The following PTPRR variants were observed in gnomAD, a reference collection of about 807,000 sequenced individuals.
The protein encoded by PTPRR is receptor-type tyrosine-protein phosphatase R.
In PTPRR, 38 loss-of-function variants were observed where a neutral mutation model predicts 77.2. The ratio of observed to expected loss-of-function variants is 0.49; its 90% CI spans 0.38 to 0.65. The LOEUF (loss-of-function observed/expected upper bound fraction) is 0.65, where lower values mean the gene tolerates loss of function less well. Ranked by LOEUF, PTPRR falls within the 30% of genes least tolerant of loss-of-function variation. PTPRR has a pLI of 0.00. For synonymous variants in PTPRR, 299 were observed against 283.1 expected (o/e 1.06, Z -0.57); for missense variants, 744 against 799.2 (o/e 0.93, Z 0.83).
In PTPRR at chr12:70,684,767, C is replaced by A; in HGVS notation, c.1296G>T (p.Val432=). 6.2e-7 allele frequency: 1 copy of A among 1,606,788 alleles called. No individual in the cohort carries two copies. Among genetic ancestry groups the A allele is most frequent in the Admixed American group, 1.7e-5 (1 of 59,504 alleles). The part of the protein sequence containing the change: ...KTILPNPLSR[V]CLRPKNVTDS... ...CGGTTACATTTTTTGGTCTTAAACA[C>A]ACTCTGCTGAGGGGATCTAATGAAG... is the stretch of plus-strand genomic sequence containing the variant. Residue 432 remains valine, a synonymous_variant, in exon 9 of 14, where the codon GTG becomes GTT. Coordinates refer to ENST00000283228, the MANE Select transcript of PTPRR (RefSeq NM_002849.4).
intron 2 of PTPRR, among the ~76,000 whole-genome samples, chr12:70,866,517 C>A (rs1239725491): frequency 3.3e-5 from 5 of 152,206 alleles, no homozygotes; most frequent in African/African-American, 1.2e-4. Flanking sequence ...CAATAACAGG[C>A]TCTGAAATTG....
At chr12:70,654,687 C>T (rs1886514329) in intron 13 of PTPRR, among the ~76,000 whole-genome samples, 1 of 152,264 alleles carries the variant, frequency 6.6e-6, no homozygotes, top group East Asian at 1.9e-4. Flanking sequence ...GTTTATTTTG[C>T]TTGTTTATTA....
At chr12:70,714,563 A>G (rs1888949133) in intron 6 of PTPRR, among the ~76,000 whole-genome samples, 1 of 152,212 alleles carries the variant, frequency 6.6e-6, no homozygotes, top group African/African-American at 2.4e-5. Context: ...TAAATGCACA[A>G]TTATATATAT....
intron 2 of PTPRR, among the ~76,000 whole-genome samples, chr12:70,858,614 A>C (rs576462757): frequency 6.6e-6 from 1 of 152,122 alleles, no homozygotes; most frequent in African/African-American, 2.4e-5. Context: ...TCTGCATTTC[A>C]AGTAACTCTC....
chr12:70,837,473 A>G (rs933046109), intron 2 of PTPRR, among the ~76,000 whole-genome samples: 4 of 152,120 alleles, frequency 2.6e-5, no homozygotes, highest in Non-Finnish European at 5.9e-5. Context: ...CTGACACAAG[A>G]TATGTGGGGG....
intron 2 of PTPRR, among the ~76,000 whole-genome samples, chr12:70,871,629 C>CT (rs1333046552): frequency 6.6e-6 from 1 of 152,176 alleles, no homozygotes; most frequent in East Asian, 1.9e-4. Flanking sequence ...TATATGGGGA[C>CT]TGTCTCAGTA....
intron 12 of PTPRR, among the ~76,000 whole-genome samples, chr12:70,657,543 T>TAACA (rs1437191493): frequency 6.6e-6 from 1 of 152,214 alleles, no homozygotes; most frequent in Non-Finnish European, 1.5e-5. Flanking sequence ...TTTTAACCAC[T>TAACA]AACAGTCTCT....
At chr12:70,684,671 T>C (rs1225233701) in intron 9 of PTPRR, 33 bp downstream of exon 9, 3 of 1,402,846 alleles carry the variant, frequency 2.1e-6, no homozygotes, top group Non-Finnish European at 3.0e-6. Flanking sequence ...AAATAGGAAG[T>C]CACCAGAAAG....
Position 70,731,876 on chromosome 12 carries a change from C to A in PTPRR, c.1007+13942G>T, listed in dbSNP as rs570103756. On this transcript the variant is annotated intron_variant, in intron 6 of 13. Coordinates refer to ENST00000283228, the MANE Select transcript of PTPRR (RefSeq NM_002849.4). ...TACTGTGTGCACGTGTGCCTACACA[C>A]ACATGTGTGAGTTCTTGATGGGGTC... Among the ~76,000 whole-genome samples the A allele has an allele frequency of 1.4e-4, 21 of 152,318 alleles. No homozygotes were observed. The East Asian group carries it at 3.9e-3, about 28-fold the overall frequency.
Position 70,885,193 on chromosome 12 carries a change from T to C in PTPRR, c.357+7486A>G, listed in dbSNP as rs192581729. Among the ~76,000 whole-genome samples the C allele has an allele frequency of 2.3e-4, 35 of 152,080 alleles. 1 individual carries two copies. The highest frequency in any genetic ancestry group is 1.1e-3 in the Admixed American group (17 of 15,294). ...ACCAAATTCTCTCAGTAATATTAATTGGGCAGTTGCTTAGAAAATAATACT... is the reference window on the plus strand; with the variant it reads ...ACCAAATTCTCTCAGTAATATTAATCGGGCAGTTGCTTAGAAAATAATACT... On this transcript the variant is annotated intron_variant, in intron 2 of 13. Coordinates refer to ENST00000283228, the MANE Select transcript of PTPRR (RefSeq NM_002849.4).
chr12:70,913,854 T>A (rs760450154), intron 1 of PTPRR, among the ~76,000 whole-genome samples: 3 of 152,228 alleles, frequency 2.0e-5, no homozygotes, highest in Non-Finnish European at 4.4e-5. Context: ...CAAATATATT[T>A]AATATATGTA....
intron 10 of PTPRR, among the ~76,000 whole-genome samples, chr12:70,682,237 G>C (rs1001222621): frequency 5.3e-5 from 8 of 151,180 alleles, no homozygotes; most frequent in Admixed American, 3.3e-4. Flanking sequence ...TAGAGACGGG[G>C]TTTCACCGTG....
chr12:70,813,158 A>G (rs1057070500), intron 2 of PTPRR, among the ~76,000 whole-genome samples: 2 of 152,202 alleles, frequency 1.3e-5, no homozygotes, highest in Non-Finnish European at 1.5e-5. Context: ...TTTTTGCCCA[A>G]GCACATACAT....
intron 2 of PTPRR, among the ~76,000 whole-genome samples, chr12:70,823,574 T>C (rs1484712384): frequency 7.2e-5 from 11 of 152,238 alleles, no homozygotes; most frequent in Admixed American, 7.2e-4. Context: ...GTACTTATTA[T>C]GTTCCTCTCC....
intron 8 of PTPRR, among the ~76,000 whole-genome samples, chr12:70,685,473 CAAAAAAAAAAAAAAA>C (rs61205959): frequency 6.6e-5 from 4 of 60,978 alleles, no homozygotes; most frequent in Non-Finnish European, 1.2e-4. Flanking sequence ...GACTTCATCT[CAAAAAAAAAAAAAAA>C]AAAAAAAAAA....
chr12:70,829,273 T>A (rs1255363604), intron 2 of PTPRR, among the ~76,000 whole-genome samples: 1 of 151,650 alleles, frequency 6.6e-6, no homozygotes, highest in Non-Finnish European at 1.5e-5. Flanking sequence ...AATAAATAAA[T>A]AAATAAATAA....
intron 1 of PTPRR, among the ~76,000 whole-genome samples, chr12:70,899,470 T>C (rs1350645236): frequency 6.6e-6 from 1 of 151,286 alleles, no homozygotes; most frequent in Non-Finnish European, 1.5e-5. Context: ...AGAGGAAAAA[T>C]AATAGTCATA....
chr12:70,754,376 A>AT, intron 4 of PTPRR, 75 bp from the exon 5 acceptor site: 1 of 1,593,724 alleles, frequency 6.3e-7, no homozygotes, highest in Non-Finnish European at 8.5e-7. Context: ...GACACTAAAC[A>AT]TATTTTTAGC....
chr12:70,703,684 G>A (rs1468054767), intron 6 of PTPRR, among the ~76,000 whole-genome samples: 2 of 152,148 alleles, frequency 1.3e-5, no homozygotes, highest in South Asian at 2.1e-4. Flanking sequence ...GCTTTTGCAA[G>A]CTTTATAGAT....
Sources: gnomAD v4.1 joint callset for allele counts (sites outside exome capture counted in the v4.1 genomes callset) on GRCh38, gnomAD v4.1.1 for gene constraint, MANE v1.5 for transcripts, NCBI Gene and HGNC (gene_info 2026-07-23, HGNC 2026-07-21) for gene names.